Variants in MTFR1L observed in about 807,000 individuals in gnomAD.
MTFR1L encodes the protein mitochondrial fission regulator 1 like.
MTFR1L carries 10 observed loss-of-function variants against 27.9 expected under a neutral mutation model. The observed-to-expected ratio is 0.36, with a 90% CI of 0.22 to 0.61. The LOEUF is 0.61. Ranked by LOEUF, MTFR1L falls within the 20% of genes least tolerant of loss-of-function variation. The pLI, the probability that MTFR1L is intolerant of heterozygous loss-of-function variation, is 0.73. For missense variants in MTFR1L, 315 were observed against 363.7 expected, an observed-to-expected ratio of 0.87 and a Z score of 1.09; for synonymous variants, 151 against 139.4, an observed-to-expected ratio of 1.08 and a Z score of -0.58.
Position 25,823,138 on chromosome 1 carries a change from A to T in MTFR1L, c.24+10A>T. 6.2e-7 allele frequency: 1 copy of T among 1,613,728 alleles called. No individual in the cohort carries two copies. The highest frequency in any genetic ancestry group is 8.5e-7 in the Non-Finnish European group (1 of 1,179,594). ...AATGGAAGCCACTGTGGTAAGGGGC[A>T]TTCCCAGGGCAGGGGTATGGTGGGG... On this transcript the variant is annotated intron_variant, in intron 2 of 6. Coordinates refer to ENST00000374303, the MANE Select transcript of MTFR1L (RefSeq NM_001099625.2).
rs578027160 is a variant in MTFR1L at position 25,823,735 on chromosome 1, G to A, written c.116G>A (p.Arg39Gln). The change falls in exon 3 of 7, where the codon CGG becomes CAG. Residue 39 changes from arginine to glutamine, a missense_variant. Physicochemically the swap from Arg to Gln is conservative, Grantham distance 43 (BLOSUM62 1). Transcript: ENST00000374303. The stretch of plus-strand genomic sequence containing the variant: ...AACCTACCCTTGAAGCCGTGTGCCC[G>A]GGCGTCCTTTGAGGTGAGTATGTTG... Reference protein sequence around the residue: ...GTNLPLKPCARASFETLPNIS... With the variant: ...GTNLPLKPCAQASFETLPNIS... 3.1e-6 allele frequency: 5 copies of A among 1,613,938 alleles called. No individual in the cohort carries two copies. Among genetic ancestry groups the A allele is most frequent in the South Asian group, 1.1e-5 (1 of 91,056 alleles).
At chr1:25,822,864 A>G (rs1035205419) in intron 1 of MTFR1L, 155 bp from the exon 2 acceptor site, 2 of 534,226 alleles carry the variant, frequency 3.7e-6, no homozygotes, top group African/African-American at 3.1e-5. Context: ...CTGGACTTAG[A>G]GCTAAGTGTT....
rs1267323824 is a variant in MTFR1L at position 25,832,238 on chromosome 1, CA to C, written c.*213del. On this transcript the variant is annotated 3_prime_UTR_variant, in exon 7 of 7. Transcript: ENST00000374303. ...CTAAGGCTTGTGATTTGACCTGAGA[CA>C]TTTGTTTCAGGTAATCGTGTAGAAT... The C allele has an allele frequency of 7.1e-7, 1 of 1,399,122 alleles. No individual in the cohort carries two copies. The highest frequency in any genetic ancestry group is 9.8e-7 in the Non-Finnish European group (1 of 1,025,612). The allele number at this position is 1,399,122 out of a possible 1,614,324, so 86.7% of individuals were successfully genotyped here.
chr1:25,825,159 T>C (rs959594735), intron 3 of MTFR1L, among the ~76,000 whole-genome samples: 12 of 152,274 alleles, frequency 7.9e-5, no homozygotes, highest in African/African-American at 2.9e-4. Flanking sequence ...GTCCCAGGTT[T>C]CCTATCTAAA....
chr1:25,829,458 T>A, intron 5 of MTFR1L, 51 bp from the exon 6 acceptor site: 1 of 1,500,580 alleles, frequency 6.7e-7, no homozygotes, highest in Non-Finnish European at 9.2e-7. Context: ...AAGATATTGC[T>A]ACTGTGTTCT....
intron 3 of MTFR1L, among the ~76,000 whole-genome samples, chr1:25,823,958 C>T (rs1401076872): frequency 3.3e-5 from 5 of 152,242 alleles, no homozygotes; most frequent in Admixed American, 3.3e-4. Context: ...AGGTCCCCCA[C>T]ATGGGACACT....
chr1:25,826,961 A>C lies in MTFR1L; in HGVS notation c.451+135A>C. The C allele has an allele frequency of 1.0e-6, 1 of 957,364 alleles. No individual in the cohort carries two copies. The highest frequency in any genetic ancestry group is 2.6e-5 in the Admixed American group (1 of 38,986). The allele number at this position is 957,364 out of a possible 1,614,324, so 59.3% of individuals were successfully genotyped here. On this transcript the variant is annotated intron_variant, in intron 5 of 6. Coordinates refer to ENST00000374303, the MANE Select transcript of MTFR1L (RefSeq NM_001099625.2). The surrounding 1 kb of genome is among the most constrained non-coding windows in gnomAD (Gnocchi z 4.1). Reference sequence around the variant, plus strand: ...GTTCCGGGCCCTGGGGTTGTCCTGAAGCCTGGCTAGCCAGTAGTGCCTCTT... The same window carrying C: ...GTTCCGGGCCCTGGGGTTGTCCTGACGCCTGGCTAGCCAGTAGTGCCTCTT...
intron 1 of MTFR1L, chr1:25,820,411 C>T (rs931866778): frequency 4.5e-6 from 2 of 446,044 alleles, no homozygotes; most frequent in African/African-American, 2.1e-5. Flanking sequence ...CGACCTTGGC[C>T]CAGGTCGGGT....
intron 3 of MTFR1L, among the ~76,000 whole-genome samples, chr1:25,824,539 G>A (rs577461740): frequency 6.6e-6 from 1 of 152,216 alleles, no homozygotes; most frequent in Non-Finnish European, 1.5e-5. Flanking sequence ...GGCCCAGGTA[G>A]AAACAGAAAT....
rs539039756 is a variant in MTFR1L at position 25,831,348 on chromosome 1, TCA to T, written c.774-572_774-571del. Among the ~76,000 whole-genome samples, 386 of 152,356 alleles carry T rather than the reference TCA, an allele frequency of 2.5e-3. 1 individual carries two copies. Among genetic ancestry groups the T allele is most frequent in the Non-Finnish European group, 4.3e-3 (292 of 68,036 alleles). On this transcript the variant is annotated intron_variant, in intron 6 of 6. Transcript: ENST00000374303. ...ATGTATCAGATAACTTGGGCCTACT[TCA>T]GTCTGGAGTTGGTTTTGTTCCCATG...
intron 1 of MTFR1L, 66 bp from the exon 2 acceptor site, chr1:25,822,953 G>A (rs1338759590): frequency 7.1e-7 from 1 of 1,409,760 alleles, no homozygotes; most frequent in Non-Finnish European, 1.0e-6. Context: ...TGGGGCTTGT[G>A]TGGTGACCAT....
intron 6 of MTFR1L, 60 bp downstream of exon 6, chr1:25,829,890 T>A (rs557774985): frequency 3.6e-6 from 5 of 1,386,358 alleles, no homozygotes; most frequent in Non-Finnish European, 4.9e-6. Flanking sequence ...TGGCCAATTA[T>A]GTAATGCAAC....
intron 2 of MTFR1L, 53 bp downstream of exon 2, chr1:25,823,181 C>G (rs905382784): frequency 7.0e-5 from 107 of 1,532,222 alleles, no homozygotes; most frequent in Middle Eastern, 6.7e-4. Context: ...GGTGCTGGGC[C>G]TGCTGAAGTA....
At position 25,829,494 on chromosome 1, in the gene MTFR1L, T is replaced by C. The variant is rs2048208917; in HGVS notation, c.452-15T>C. 8 of 1,609,582 alleles carry C rather than the reference T, an allele frequency of 5.0e-6. No individual in the cohort carries two copies. The highest frequency in any genetic ancestry group is 6.8e-6 in the Non-Finnish European group (8 of 1,177,140). ...AGCCCCAATGTCCACCCATGCCTAT[T>C]GTTTTCTCTTTCAGCTTCGGCTTCA... On this transcript the variant is annotated splice_polypyrimidine_tract_variant and intron_variant, in intron 5 of 6. Transcript: ENST00000374303.
intron 3 of MTFR1L, 90 bp downstream of exon 3, chr1:25,823,838 T>C: frequency 1.4e-6 from 2 of 1,447,014 alleles, no homozygotes; most frequent in Non-Finnish European, 1.9e-6. Flanking sequence ...GTAGGTTGTT[T>C]CCTGGTCACT....
chr1:25,822,287 T>C (rs1338720099), intron 1 of MTFR1L: 1 of 152,356 alleles, frequency 6.6e-6, no homozygotes, highest in African/African-American at 2.4e-5. Flanking sequence ...GAGACTGAGA[T>C]TGGCATGAGC....
At chr1:25,823,845 C>T (rs929438052) in intron 3 of MTFR1L, 97 bp downstream of exon 3, 4 of 1,401,390 alleles carry the variant, frequency 2.9e-6, no homozygotes, top group Non-Finnish European at 3.9e-6. Context: ...GTTTCCTGGT[C>T]ACTTTTCATT....
chr1:25,832,691 G>A lies in MTFR1L; in HGVS notation c.*665G>A, dbSNP rs559401656. On this transcript the variant is annotated 3_prime_UTR_variant, in exon 7 of 7. Transcript: ENST00000374303. ...CCTCCACGGCCCTGAGGCCTTATCA[G>A]TTCCACTGATTAAAAACTTTCTCTT... is the stretch of plus-strand genomic sequence containing the variant. The A allele has an allele frequency of 2.1e-3, 327 of 156,934 alleles. 1 individual carries two copies. The highest frequency in any genetic ancestry group is 3.7e-3 in the Non-Finnish European group (258 of 70,376). 9.7% of individuals were successfully genotyped at this position (156,934 alleles called of 1,614,324 possible).
intron 6 of MTFR1L, 145 bp from the exon 7 acceptor site, chr1:25,831,776 C>A: frequency 1.3e-6 from 1 of 774,324 alleles, no homozygotes; most frequent in Non-Finnish European, 2.2e-6. Context: ...CCTTTCTGTG[C>A]TTCAATTTCC....
Sources: allele counts gnomAD v4.1 joint callset (sites outside exome capture counted in the v4.1 genomes callset), GRCh38; gene constraint gnomAD v4.1.1; non-coding constraint Gnocchi (gnomAD v3.1); transcripts MANE v1.5; gene names NCBI Gene and HGNC (gene_info 2026-07-23, HGNC 2026-07-21).